Variants in SMARCB1 observed in about 807,000 individuals in gnomAD.
SMARCB1 encodes SWI/SNF related BAF chromatin remodeling complex subunit B1, also known as SWI/SNF-related matrix-associated actin-dependent regulator of chromatin subfamily B member 1.
Under a neutral mutation model 49.0 loss-of-function variants are expected in SMARCB1, and 5 were observed. The ratio of observed to expected loss-of-function variants is 0.10; its 90% CI spans 0.05 to 0.21. The LOEUF (loss-of-function observed/expected upper bound fraction) is 0.21, where lower values mean the gene tolerates loss of function less well. SMARCB1 is among the 10% of genes least tolerant of loss of function. SMARCB1 has a pLI of 1.00. For missense variants in SMARCB1, 226 were observed against 509.2 expected (o/e 0.44, Z 5.35); for synonymous variants, 201 against 200.1 (o/e 1.00, Z -0.04).
In SMARCB1 at chr22:23,837,123, C is replaced by T. The variant is rs144407339; in HGVS notation, c.*2943C>T. The T allele has an allele frequency of 6.2e-7, 1 of 1,613,868 alleles. No individual in the cohort carries two copies. The highest frequency in any genetic ancestry group is 8.5e-7 in the Non-Finnish European group (1 of 1,179,938). On this transcript the variant is annotated 3_prime_UTR_variant, in exon 9 of 9. Coordinates refer to ENST00000644036, the MANE Select transcript of SMARCB1 (RefSeq NM_003073.5). ...CAGGCTGGTTGGGGAAGACGTCCTCCAGGAAGTAGTAGATATGGCCCACCG... is the reference window on the plus strand; with the variant it reads ...CAGGCTGGTTGGGGAAGACGTCCTCTAGGAAGTAGTAGATATGGCCCACCG...
At chr22:23,799,423 G>A (rs901155707) in intron 3 of SMARCB1, among the ~76,000 whole-genome samples, 2 of 149,962 alleles carry the variant, frequency 1.3e-5, no homozygotes, top group African/African-American at 2.5e-5. Context: ...GATTATAGAC[G>A]TGTGCCACCA....
intron 8 of SMARCB1, 86 bp downstream of exon 8, chr22:23,833,789 C>A: frequency 6.7e-7 from 1 of 1,496,068 alleles, no homozygotes; most frequent in Non-Finnish European, 9.3e-7. Context: ...TCCCAGTCTC[C>A]CATGGTCTCT....
chr22:23,795,957 A>AT (rs1249243139), intron 3 of SMARCB1, among the ~76,000 whole-genome samples: 2 of 151,428 alleles, frequency 1.3e-5, no homozygotes, highest in East Asian at 2.0e-4. Context: ...TGCCTGGCTA[A>AT]TTTTTTTGTA....
chr22:23,815,686 G>A (rs1188361384), intron 5 of SMARCB1: 3 of 152,162 alleles, frequency 2.0e-5, no homozygotes, highest in African/African-American at 7.2e-5. Flanking sequence ...ATAGCCTTCA[G>A]TGAGTGAATA....
Position 23,835,215 on chromosome 22 carries a change from C to T in SMARCB1, c.*1035C>T, listed in dbSNP as rs972402981. The T allele has an allele frequency of 2.0e-4, 247 of 1,249,922 alleles. 1 individual carries two copies. The highest frequency in any genetic ancestry group is 2.4e-4 in the Non-Finnish European group (236 of 997,032). 77.4% of individuals were successfully genotyped at this position (1,249,922 alleles called of 1,614,324 possible). ...CCTGCCTCCAAGGAGTTCATGTCCC[C>T]TCTGTTCTCATCTGTAATAGGGAGG... On this transcript the variant is annotated 3_prime_UTR_variant, in exon 9 of 9. Transcript: ENST00000644036.
At position 23,836,872 on chromosome 22, in the gene SMARCB1, C is replaced by G; in HGVS notation, c.*2692C>G. The G allele has an allele frequency of 6.8e-7, 1 of 1,468,214 alleles. No individual in the cohort carries two copies. The highest frequency in any genetic ancestry group is 9.0e-7 in the Non-Finnish European group (1 of 1,108,096). 90.9% of individuals were successfully genotyped at this position (1,468,214 alleles called of 1,614,324 possible). A position where few individuals can be genotyped will look rare whatever the true frequency, so the allele number is the denominator to read the frequency against. ...TAGGCCTGGCCCTGGGTGGGGGTCA[C>G]TGCTGCGGGGGTGGCAGATGGGGTC... On this transcript the variant is annotated 3_prime_UTR_variant, in exon 9 of 9. Coordinates refer to ENST00000644036, the MANE Select transcript of SMARCB1 (RefSeq NM_003073.5).
Position 23,787,217 on chromosome 22 carries a change from G to A in SMARCB1, c.48G>A (p.Lys16=), listed in dbSNP as rs2145952051. ...LSKTFGQKPV[K]FQLEDDGEFY... ...AGACCTTCGGGCAGAAGCCCGTGAAGTTCCAGCTGGAGGACGACGGCGAGT... is the reference window on the plus strand; with the variant it reads ...AGACCTTCGGGCAGAAGCCCGTGAAATTCCAGCTGGAGGACGACGGCGAGT... The change falls in exon 1 of 9, where the codon AAG becomes AAA. Residue 16 remains lysine (K), a synonymous_variant. Transcript: ENST00000644036. The A allele has an allele frequency of 6.2e-7, 1 of 1,609,344 alleles. No individual in the cohort carries two copies. Among genetic ancestry groups the A allele is most frequent in the African/African-American group, 1.3e-5 (1 of 74,564 alleles).
Position 23,790,861 on chromosome 22 carries a change from A to T in SMARCB1, c.94-895A>T, listed in dbSNP as rs538072598. On this transcript the variant is annotated intron_variant, in intron 1 of 8. Coordinates refer to ENST00000644036, the MANE Select transcript of SMARCB1 (RefSeq NM_003073.5). ...GACCCTGTCTCAAAAATAATAATAA[A>T]AATTAAAAATAAATTTAAAAATGCA... Among the ~76,000 whole-genome samples, 12 of 152,306 alleles carry T rather than the reference A, an allele frequency of 7.9e-5. No homozygotes were observed. In the South Asian group the frequency reaches 2.3e-3, roughly 29 times the overall value.
chr22:23,816,963 A>T (rs1482045698), intron 6 of SMARCB1, 27 bp downstream of exon 6: 10 of 1,603,904 alleles, frequency 6.2e-6, no homozygotes, highest in Non-Finnish European at 8.5e-6. Flanking sequence ...CCAGCACTGG[A>T]GCCTTCCTGG....
At chr22:23,788,703 C>T (rs944537542) in intron 1 of SMARCB1, among the ~76,000 whole-genome samples, 2 of 152,192 alleles carry the variant, frequency 1.3e-5, no homozygotes, top group East Asian at 1.9e-4. Flanking sequence ...ACTGCACTCA[C>T]ACTCAGCGCA....
intron 5 of SMARCB1, among the ~76,000 whole-genome samples, chr22:23,814,118 C>T (rs1930039639): frequency 6.6e-6 from 1 of 152,164 alleles, no homozygotes; most frequent in Non-Finnish European, 1.5e-5. Flanking sequence ...GCATGAGCCA[C>T]CACACCCGGC....
At chr22:23,787,461 A>G (rs1453593366) in intron 1 of SMARCB1, among the ~76,000 whole-genome samples, 199 bp downstream of exon 1, 3 of 151,228 alleles carry the variant, frequency 2.0e-5, no homozygotes, top group Non-Finnish European at 4.4e-5. Flanking sequence ...TTCCTTACTT[A>G]TTTCGCCGAG....
intron 3 of SMARCB1, among the ~76,000 whole-genome samples, chr22:23,799,733 G>C (rs1253335086): frequency 7.8e-6 from 1 of 127,768 alleles, no homozygotes; most frequent in East Asian, 2.3e-4. Context: ...CTCCCACTCT[G>C]GAGTGCAGTG....
In SMARCB1 at chr22:23,834,204, C is replaced by A; in HGVS notation, c.*24C>A. On this transcript the variant is annotated 3_prime_UTR_variant, in exon 9 of 9. Transcript: ENST00000644036. ...AACCAGCCCATCAGCACACGGCTCCCACGGAGCATCTCAGAAGATTGGGCC... is the reference window on the plus strand; with the variant it reads ...AACCAGCCCATCAGCACACGGCTCCAACGGAGCATCTCAGAAGATTGGGCC... 1 of 1,575,226 alleles carries A rather than the reference C, an allele frequency of 6.3e-7. No individual in the cohort carries two copies. Among genetic ancestry groups the A allele is most frequent in the East Asian group, 2.4e-5 (1 of 42,432 alleles).
intron 3 of SMARCB1, among the ~76,000 whole-genome samples, chr22:23,797,309 A>T (rs370917170): frequency 0.027 from 2,390 of 88,528 alleles, 45 homozygotes; most frequent in South Asian, 0.13. Context: ...GTTTTTTTTT[A>T]TTATTATTAT....
intron 5 of SMARCB1, among the ~76,000 whole-genome samples, chr22:23,810,627 A>G (rs1929816063): frequency 6.6e-6 from 1 of 152,134 alleles, no homozygotes; most frequent in Non-Finnish European, 1.5e-5. Flanking sequence ...AAAAATGTAG[A>G]TAAATAAAAT....
intron 3 of SMARCB1, among the ~76,000 whole-genome samples, chr22:23,794,708 C>T (rs1928629108): frequency 6.6e-6 from 1 of 152,096 alleles, no homozygotes; most frequent in Non-Finnish European, 1.5e-5. Context: ...AGAGCAGCCT[C>T]ATCCACATGG....
intron 3 of SMARCB1, among the ~76,000 whole-genome samples, chr22:23,797,632 TTTTG>T (rs1898269279): frequency 1.5e-5 from 2 of 136,212 alleles, no homozygotes; most frequent in African/African-American, 5.6e-5. Flanking sequence ...TTTTTTTTTT[TTTTG>T]AGATCGAGTT....
intron 5 of SMARCB1, among the ~76,000 whole-genome samples, chr22:23,808,273 G>A (rs1188119708): frequency 4.0e-5 from 6 of 151,810 alleles, no homozygotes; most frequent in African/African-American, 7.3e-5. Flanking sequence ...GGTGCCCGCC[G>A]CCATGCCCGG....
Sources: allele counts gnomAD v4.1 joint callset (sites outside exome capture counted in the v4.1 genomes callset), GRCh38; gene constraint gnomAD v4.1.1; transcripts MANE v1.5; gene names NCBI Gene and HGNC (gene_info 2026-07-23, HGNC 2026-07-21).